Variants in PPP2R2C observed in about 807,000 individuals in gnomAD.
The protein encoded by PPP2R2C is protein phosphatase 2, regulatory subunit B, gamma.
In PPP2R2C, 10 loss-of-function variants were observed where a neutral mutation model predicts 45.3. The ratio of observed to expected loss-of-function variants is 0.22; its 90% CI spans 0.14 to 0.37. PPP2R2C has a LOEUF of 0.37. Ranked by LOEUF, PPP2R2C falls within the 10% of genes least tolerant of loss-of-function variation. PPP2R2C has a pLI of 1.00. For synonymous variants in PPP2R2C, 257 were observed against 245.4 expected, an observed-to-expected ratio of 1.05 and a Z score of -0.44; for missense variants, 308 against 619.7, an observed-to-expected ratio of 0.50 and a Z score of 5.34.
At chr4:6,521,663 G>A (rs1724031299) in intron 2 of PPP2R2C, among the ~76,000 whole-genome samples, 1 of 152,134 alleles carries the variant, frequency 6.6e-6, no homozygotes, top group Non-Finnish European at 1.5e-5. Flanking sequence ...TCATACGTAG[G>A]AGGCACTTAC....
intron 1 of PPP2R2C, among the ~76,000 whole-genome samples, chr4:6,429,333 T>G (rs144797312): frequency 1.3e-4 from 20 of 152,360 alleles, no homozygotes; most frequent in African/African-American, 4.3e-4. Flanking sequence ...AATGTACGGT[T>G]CTAATCAGAT....
At chr4:6,384,766 G>A in intron 1 of PPP2R2C, 1 of 985,486 alleles carries the variant, frequency 1.0e-6, no homozygotes, top group Non-Finnish European at 1.2e-6. Context: ...CCTCACGCCA[G>A]CCCCTGCGGG....
intron 2 of PPP2R2C, among the ~76,000 whole-genome samples, chr4:6,481,973 C>T (rs769021143): frequency 3.3e-3 from 302 of 92,762 alleles, no homozygotes; most frequent in Non-Finnish European, 5.2e-3. Flanking sequence ...AGCGAGACTC[C>T]GTCTCAAAAA....
chr4:6,531,183 G>C (rs1254465320), intron 2 of PPP2R2C, among the ~76,000 whole-genome samples: 2 of 152,212 alleles, frequency 1.3e-5, no homozygotes, highest in African/African-American at 4.8e-5. Flanking sequence ...AGCCGGCACC[G>C]CTCTCCAGGG....
intron 1 of PPP2R2C, among the ~76,000 whole-genome samples, chr4:6,455,810 C>T (rs1720992924): frequency 6.6e-6 from 1 of 152,170 alleles, no homozygotes. Flanking sequence ...CATAATGTCC[C>T]TCCTGCCATG....
chr4:6,403,470 A>G (rs555343214), intron 1 of PPP2R2C, among the ~76,000 whole-genome samples: 11 of 152,296 alleles, frequency 7.2e-5, no homozygotes, highest in Admixed American at 5.2e-4. Flanking sequence ...GCTGTGCGCC[A>G]GGGGTTGCAG....
At chr4:6,456,907 A>G (rs1721071687) in intron 1 of PPP2R2C, among the ~76,000 whole-genome samples, 1 of 152,168 alleles carries the variant, frequency 6.6e-6, no homozygotes, top group Admixed American at 6.5e-5. Context: ...GGTGGTGTGG[A>G]TCCATAAAAA....
chr4:6,455,050 A>ACCTG (rs10641215), intron 1 of PPP2R2C, among the ~76,000 whole-genome samples: 6 of 24,220 alleles, frequency 2.5e-4, no homozygotes, highest in African/African-American at 1.3e-3. Flanking sequence ...AGCACAAGTC[A>ACCTG]CCTAGTGCTG....
intron 1 of PPP2R2C, among the ~76,000 whole-genome samples, chr4:6,407,627 C>T (rs978783415): frequency 6.6e-6 from 1 of 152,170 alleles, no homozygotes; most frequent in African/African-American, 2.4e-5. Context: ...TCTCAAACTC[C>T]TGACCTCAAG....
upstream of PPP2R2C, among the ~76,000 whole-genome samples, chr4:6,473,983 C>T (rs2108773220): frequency 6.6e-6 from 1 of 152,344 alleles, no homozygotes; most frequent in Non-Finnish European, 1.5e-5. Flanking sequence ...GGCAAGTGCC[C>T]TGCCCTGTTC....
chr4:6,445,270 G>A (rs1286984556), intron 1 of PPP2R2C, among the ~76,000 whole-genome samples: 3 of 151,934 alleles, frequency 2.0e-5, no homozygotes, highest in African/African-American at 2.4e-5. Flanking sequence ...TGCAACAGCT[G>A]AGAATATTCT....
chr4:6,434,669 G>A (rs1048185932), intron 1 of PPP2R2C, among the ~76,000 whole-genome samples: 1 of 152,034 alleles, frequency 6.6e-6, no homozygotes, highest in African/African-American at 2.4e-5. Flanking sequence ...TCTTACTTGT[G>A]TACTTCCATC....
At chr4:6,385,508 G>A (rs1194807612) in intron 1 of PPP2R2C, among the ~76,000 whole-genome samples, 2 of 152,118 alleles carry the variant, frequency 1.3e-5, no homozygotes, top group East Asian at 3.9e-4. Context: ...AAGCCTTCCT[G>A]GATAGTCCCC....
chr4:6,518,922 T>TAAAAAAAAAAAAAAAAAAAAAAAAAAAA (rs56002128), intron 2 of PPP2R2C, among the ~76,000 whole-genome samples: 19 of 92,888 alleles, frequency 2.0e-4, no homozygotes, highest in Non-Finnish European at 2.8e-4. Flanking sequence ...GACTCTGTCT[T>TAAAAAAAAAAAAAAAAAAAAAAAAAAAA]AAAAAAAAAA....
chr4:6,449,789 C>T (rs1268199777), intron 1 of PPP2R2C, among the ~76,000 whole-genome samples: 1 of 152,248 alleles, frequency 6.6e-6, no homozygotes, highest in East Asian at 1.9e-4. Flanking sequence ...CTTCTCTTCT[C>T]CTTTCACCCA....
At chr4:6,459,202 C>T (rs1721195124) in intron 1 of PPP2R2C, among the ~76,000 whole-genome samples, 2 of 152,114 alleles carry the variant, frequency 1.3e-5, no homozygotes, top group African/African-American at 4.8e-5. Flanking sequence ...GAGGCTCTAC[C>T]TGTAAGATGG....
rs561819190 is a variant in PPP2R2C at position 6,409,219 on chromosome 4, T to C, written c.71-28125A>G. The stretch of plus-strand genomic sequence containing the variant: ...TTGCAGGAAGGTAATTAAGGCATCA[T>C]TTTATAATGAACTTTTATTTTACAA... On this transcript the variant is annotated intron_variant, in intron 1 of 8. Transcript: ENST00000382599. Among the ~76,000 whole-genome samples the C allele has an allele frequency of 2.6e-5, 4 of 152,308 alleles. No homozygotes were observed. The East Asian group carries it at 7.7e-4, about 29-fold the overall frequency.
chr4:6,372,406 G>T, intron 5 of PPP2R2C, 117 bp downstream of exon 5: 1 of 1,096,610 alleles, frequency 9.1e-7, no homozygotes, highest in South Asian at 1.5e-5. Context: ...CCTCACTGAA[G>T]AAGTTAAACA....
At chr4:6,388,617 G>T (rs559799170) in intron 1 of PPP2R2C, among the ~76,000 whole-genome samples, 1 of 152,106 alleles carries the variant, frequency 6.6e-6, no homozygotes, top group Non-Finnish European at 1.5e-5. Context: ...AGAATGAAGG[G>T]CAGGACGGGC....
Sources: gnomAD v4.1 joint callset for allele counts (sites outside exome capture counted in the v4.1 genomes callset) on GRCh38, gnomAD v4.1.1 for gene constraint, MANE v1.5 for transcripts, NCBI Gene and HGNC (gene_info 2026-07-23, HGNC 2026-07-21) for gene names.